CHRNA7: variants seen among roughly 807,000 people sequenced by gnomAD.
CHRNA7 encodes neuronal acetylcholine receptor subunit alpha-7.
Under a neutral mutation model 48.0 loss-of-function variants are expected in CHRNA7, and 17 were observed. The observed-to-expected ratio is 0.35, with a 90% CI of 0.24 to 0.53. The LOEUF (loss-of-function observed/expected upper bound fraction) is 0.53. Ranked by LOEUF, CHRNA7 falls within the 20% of genes least tolerant of loss-of-function variation. The pLI, the probability that CHRNA7 is intolerant of heterozygous loss-of-function variation, is 0.92. For synonymous variants in CHRNA7, 75 were observed against 242.3 expected, an observed-to-expected ratio of 0.31 and a Z score of 6.41; for missense variants, 155 against 577.7, an observed-to-expected ratio of 0.27 and a Z score of 7.50.
intron 2 of CHRNA7, among the ~76,000 whole-genome samples, chr15:32,068,248 G>A (rs1339221514): frequency 1.3e-5 from 2 of 152,164 alleles, no homozygotes; most frequent in Non-Finnish European, 2.9e-5. Context: ...TGAGTTTGAG[G>A]CTACAGTGAA....
At chr15:32,140,412 T>G (rs913666350) in intron 4 of CHRNA7, among the ~76,000 whole-genome samples, 1 of 152,250 alleles carries the variant, frequency 6.6e-6, no homozygotes, top group African/African-American at 2.4e-5. Context: ...AGTAGCATGA[T>G]GTATAATCCT....
chr15:32,090,080 G>A (rs182670588), intron 2 of CHRNA7, among the ~76,000 whole-genome samples: 32 of 152,306 alleles, frequency 2.1e-4, no homozygotes, highest in East Asian at 5.8e-4. Context: ...TTACATGGTA[G>A]CATTGTAGTA....
chr15:32,078,864 G>A (rs527927199), intron 2 of CHRNA7, among the ~76,000 whole-genome samples: 2 of 152,032 alleles, frequency 1.3e-5, no homozygotes, highest in East Asian at 1.9e-4. Flanking sequence ...AAAACTTCAG[G>A]CCAATATCCC....
intron 4 of CHRNA7, among the ~76,000 whole-genome samples, chr15:32,135,721 A>G (rs1366024815): frequency 6.6e-6 from 1 of 152,186 alleles, no homozygotes; most frequent in Admixed American, 6.5e-5. Flanking sequence ...GCTTCAGGAG[A>G]TAAAAGTCTG....
At chr15:32,134,012 A>T (rs1376402665) in intron 4 of CHRNA7, among the ~76,000 whole-genome samples, 1 of 152,144 alleles carries the variant, frequency 6.6e-6, no homozygotes, top group Admixed American at 6.5e-5. Flanking sequence ...CAAATATTCC[A>T]TGCTCTGATA....
chr15:32,040,447 A>G lies in CHRNA7; in HGVS notation c.195+9410A>G, dbSNP rs112558409. ...TAGTGGTTGCCCTAGAGTTTGCAAT[A>G]TACATTTACAACTAACCCAAGTCAC... On this transcript the variant is annotated intron_variant, in intron 2 of 9. Transcript: ENST00000306901. Among the ~76,000 whole-genome samples the G allele has an allele frequency of 8.6e-3, 1,304 of 152,016 alleles. 24 individuals are homozygous for G. Among genetic ancestry groups the G allele is most frequent in the African/African-American group, 0.03 (1,244 of 41,496 alleles).
At chr15:32,038,140 A>C (rs1169341933) in intron 2 of CHRNA7, among the ~76,000 whole-genome samples, 1 of 145,356 alleles carries the variant, frequency 6.9e-6, no homozygotes, top group Non-Finnish European at 1.5e-5. Flanking sequence ...TTATGTATAA[A>C]TATGTACATA....
chr15:32,101,425 G>A, intron 3 of CHRNA7, 78 bp downstream of exon 3: 1 of 1,467,758 alleles, frequency 6.8e-7, no homozygotes. Flanking sequence ...TACCTGAGAT[G>A]CTTGCTTCTG....
intron 4 of CHRNA7, among the ~76,000 whole-genome samples, chr15:32,120,120 G>A (rs566563806): frequency 2.6e-5 from 4 of 152,296 alleles, no homozygotes; most frequent in Non-Finnish European, 5.9e-5. Flanking sequence ...GTCTGTTTGA[G>A]TGTCCACAAA....
intron 2 of CHRNA7, among the ~76,000 whole-genome samples, chr15:32,085,073 C>A (rs2050273775): frequency 6.6e-6 from 1 of 152,096 alleles, no homozygotes; most frequent in Admixed American, 6.6e-5. Context: ...AGGTGATCCA[C>A]CTGCCTTAGC....
intron 3 of CHRNA7, among the ~76,000 whole-genome samples, chr15:32,104,230 A>C (rs2050622555): frequency 2.0e-5 from 3 of 150,134 alleles, no homozygotes; most frequent in African/African-American, 4.9e-5. Context: ...GGCTGCACTC[A>C]CTGTCCACTT....
intron 2 of CHRNA7, among the ~76,000 whole-genome samples, chr15:32,075,007 A>G (rs959319447): frequency 2.6e-4 from 39 of 152,164 alleles, no homozygotes; most frequent in Middle Eastern, 3.4e-3. Flanking sequence ...TGCCTTTTCT[A>G]TTTAAGTTTT....
chr15:32,148,544 G>A (rs896028835), intron 4 of CHRNA7, among the ~76,000 whole-genome samples: 4 of 152,224 alleles, frequency 2.6e-5, no homozygotes, highest in Non-Finnish European at 5.9e-5. Context: ...AGGCACCATT[G>A]TGTGAGGATC....
intron 4 of CHRNA7, among the ~76,000 whole-genome samples, chr15:32,121,205 G>T (rs535587654): frequency 6.6e-6 from 1 of 152,322 alleles, no homozygotes; most frequent in African/African-American, 2.4e-5. Flanking sequence ...GTGGGCCAGG[G>T]CCACATGGTC....
intron 4 of CHRNA7, among the ~76,000 whole-genome samples, chr15:32,148,638 A>G (rs569566010): frequency 1.3e-5 from 2 of 152,294 alleles, no homozygotes; most frequent in Admixed American, 6.5e-5. Flanking sequence ...CCCTGCCTAT[A>G]CTGCCATTGA....
At chr15:32,051,530 C>T (rs571499278) in intron 2 of CHRNA7, among the ~76,000 whole-genome samples, 4 of 152,078 alleles carry the variant, frequency 2.6e-5, no homozygotes, top group Non-Finnish European at 4.4e-5. Context: ...GGGAGTGGCC[C>T]GATTTTCCAG....
chr15:32,112,413 A>G, intron 4 of CHRNA7: 1 of 455,874 alleles, frequency 2.2e-6, no homozygotes, highest in Non-Finnish European at 4.4e-6. Context: ...CTTCCCCTGC[A>G]GGGTATATAC....
chr15:32,031,107 C>T (rs1901815658), intron 2 of CHRNA7, 70 bp downstream of exon 2: 4 of 1,590,814 alleles, frequency 2.5e-6, no homozygotes, highest in Non-Finnish European at 3.4e-6. Flanking sequence ...TAGACAGCGT[C>T]GGGCGGCCAG....
intron 2 of CHRNA7, among the ~76,000 whole-genome samples, chr15:32,093,039 A>C (rs1395988978): frequency 6.6e-6 from 1 of 152,220 alleles, no homozygotes; most frequent in East Asian, 1.9e-4. Flanking sequence ...ACTTGTAAAC[A>C]CTCAAGGAAA....
Sources: allele counts gnomAD v4.1 joint callset (sites outside exome capture counted in the v4.1 genomes callset), GRCh38; gene constraint gnomAD v4.1.1; transcripts MANE v1.5; gene names NCBI Gene and HGNC (gene_info 2026-07-23, HGNC 2026-07-21).